Variants in SCARA3 observed in about 807,000 individuals in gnomAD.
SCARA3 encodes cellular stress response gene protein.
In SCARA3, 39 loss-of-function variants were observed where a neutral mutation model predicts 47.0. The ratio of observed to expected loss-of-function variants is 0.83; its 90% CI spans 0.64 to 1.08. The LOEUF is 1.08. Among genes scored for constraint, SCARA3 ranks in the 50% least tolerant of loss-of-function variants. The probability of loss-of-function intolerance (pLI) is 0.00; values close to 1 mark genes in which losing one functional copy is unlikely to be tolerated. For synonymous variants in SCARA3, 356 were observed against 334.1 expected, an observed-to-expected ratio of 1.07 and a Z score of -0.71; for missense variants, 724 against 792.3, an observed-to-expected ratio of 0.91 and a Z score of 1.04.
intron 4 of SCARA3, 46 bp downstream of exon 4, chr8:27,656,926 G>A (rs1801756169): frequency 7.8e-7 from 1 of 1,281,546 alleles, no homozygotes; most frequent in African/African-American, 1.5e-5. Context: ...CTTCAGGGTG[G>A]GGCAGGGGTG....
chr8:27,706,007 T>C, the SCARA3 span, among the ~76,000 whole-genome samples: 1 of 152,052 alleles, frequency 6.6e-6, no homozygotes, highest in African/African-American at 2.4e-5. Flanking sequence ...AGAGAGAGCA[T>C]GGCATCATGG....
Position 27,659,104 on chromosome 8 carries a change from G to A in SCARA3, c.934G>A (p.Asp312Asn), listed in dbSNP as rs963863396. The change falls in exon 5 of 6, where the codon GAT becomes AAT. Residue 312 changes from aspartate to asparagine, a missense_variant. Transcript: ENST00000301904. ...GGTCATGGGCTTGCAGCTGCAGCTG[G>A]ATAACATCTCGTCCTTCCTGGATGA... The part of the protein sequence containing the change: ...LQVMGLQLQL[D>N]NISSFLDDHE... 2 of 1,614,118 alleles carry A rather than the reference G, an allele frequency of 1.2e-6. No individual in the cohort carries two copies. Among genetic ancestry groups the A allele is most frequent in the African/African-American group, 1.3e-5 (1 of 75,012 alleles).
the SCARA3 span, among the ~76,000 whole-genome samples, chr8:27,720,630 A>ATCCG: frequency 6.8e-6 from 1 of 147,466 alleles, no homozygotes; most frequent in African/African-American, 2.5e-5. Context: ...CCATCCATCC[A>ATCCG]TCCATCCATC....
At chr8:27,712,359 C>T in the SCARA3 span, among the ~76,000 whole-genome samples, 2 of 151,734 alleles carry the variant, frequency 1.3e-5, no homozygotes, top group African/African-American at 4.8e-5. Flanking sequence ...GTCAGGAGAT[C>T]GAGACCATCC....
the SCARA3 span, among the ~76,000 whole-genome samples, chr8:27,682,389 A>G: frequency 2.6e-5 from 4 of 152,340 alleles, no homozygotes; most frequent in East Asian, 7.7e-4. Flanking sequence ...CAAGAAAAAC[A>G]TTAACCATAA....
the SCARA3 span, among the ~76,000 whole-genome samples, chr8:27,711,755 C>A: frequency 6.6e-6 from 1 of 151,460 alleles, no homozygotes; most frequent in Non-Finnish European, 1.5e-5. Context: ...TAAAATAGAC[C>A]TTTTTTAGAG....
intron 1 of SCARA3, among the ~76,000 whole-genome samples, chr8:27,643,560 G>A (rs895978629): frequency 1.3e-5 from 2 of 152,246 alleles, no homozygotes; most frequent in Non-Finnish European, 2.9e-5. Context: ...TGGAGAGGGG[G>A]TAGTGGCGGA....
intron 5 of SCARA3, among the ~76,000 whole-genome samples, chr8:27,665,230 CCCT>C (rs1308051579): frequency 6.6e-6 from 1 of 152,228 alleles, no homozygotes; most frequent in Non-Finnish European, 1.5e-5. Context: ...ATCACTTCAT[CCCT>C]CCAGGGCTCT....
chr8:27,728,439 T>A, the SCARA3 span, among the ~76,000 whole-genome samples: 1 of 152,036 alleles, frequency 6.6e-6, no homozygotes, highest in African/African-American at 2.4e-5. Flanking sequence ...GTTGTAAGAG[T>A]GCCCGCCATG....
At chr8:27,647,997 C>T (rs1042546949) in intron 1 of SCARA3, among the ~76,000 whole-genome samples, 1 of 152,214 alleles carries the variant, frequency 6.6e-6, no homozygotes, top group Non-Finnish European at 1.5e-5. Flanking sequence ...TGGTCAGGAG[C>T]CCCCGAGGCT....
the SCARA3 span, among the ~76,000 whole-genome samples, chr8:27,714,963 A>C: frequency 8.5e-5 from 13 of 152,074 alleles, no homozygotes; most frequent in African/African-American, 2.9e-4. Flanking sequence ...TCTGTTGCCC[A>C]GTCTGGAGTG....
the SCARA3 span, among the ~76,000 whole-genome samples, chr8:27,689,480 G>A: frequency 1.3e-5 from 2 of 152,136 alleles, no homozygotes; most frequent in African/African-American, 2.4e-5. Context: ...TGCACTGAGC[G>A]GTGACCCACT....
At chr8:27,711,862 C>T in the SCARA3 span, among the ~76,000 whole-genome samples, 2 of 152,142 alleles carry the variant, frequency 1.3e-5, no homozygotes, top group African/African-American at 4.8e-5. Context: ...ATTAACCTCC[C>T]CCACCACAGT....
chr8:27,658,760 C>T lies in SCARA3; in HGVS notation c.590C>T (p.Ala197Val). The change falls in exon 5 of 6, where the codon GCC becomes GTC. Residue 197 changes from alanine (A) to valine (V), a missense_variant. Ala to Val is a moderately conservative substitution (Grantham distance 64, BLOSUM62 0). Transcript: ENST00000301904. ...CTGGCCCAGGTGAGAGGCTGGCAGG[C>T]CACCACAGCTGGCCTGGACCTCTCT... ...LFLAQVRGWQATTAGLDLSLK... is the reference protein window; with the variant it reads ...LFLAQVRGWQVTTAGLDLSLK... 2 of 1,614,048 alleles carry T rather than the reference C, an allele frequency of 1.2e-6. No individual in the cohort carries two copies. Among genetic ancestry groups the T allele is most frequent in the South Asian group, 1.1e-5 (1 of 91,076 alleles).
chr8:27,676,836 ACCCAACTC>A, downstream of SCARA3: 1 of 362,896 alleles, frequency 2.8e-6, no homozygotes, highest in Non-Finnish European at 5.0e-6. Flanking sequence ...CACTGCTCAA[ACCCAACTC>A]TGTTGCGTCC....
At chr8:27,710,815 A>G in the SCARA3 span, among the ~76,000 whole-genome samples, 1 of 151,374 alleles carries the variant, frequency 6.6e-6, no homozygotes, top group Non-Finnish European at 1.5e-5. Flanking sequence ...TGCGGATGGT[A>G]TTTCTAAAAC....
chr8:27,720,377 A>G, the SCARA3 span, among the ~76,000 whole-genome samples: 19,472 of 151,956 alleles, frequency 0.13, 1,512 homozygotes, highest in African/African-American at 0.21. Context: ...GAAATTAGAG[A>G]TTGGTCTGGG....
In SCARA3 at chr8:27,656,789, A is replaced by T; in HGVS notation, c.234A>T (p.Arg78Ser). The T allele has an allele frequency of 1.9e-6, 3 of 1,606,574 alleles. No individual in the cohort carries two copies. Among genetic ancestry groups the T allele is most frequent in the Non-Finnish European group, 1.7e-6 (2 of 1,173,120 alleles). ...AVAVLASLVF[R>S]KVDSLSEDIS... The stretch of plus-strand genomic sequence containing the variant: ...CATCTGTTTTCCCTACAGTTTTCAG[A>T]AAAGTGGACTCTCTCTCCGAAGACA... The change falls in exon 4 of 6, where the codon AGA becomes AGT. Residue 78 changes from arginine (R) to serine (S), a missense_variant. Physicochemically the swap from Arg to Ser is moderately radical, Grantham distance 110 (BLOSUM62 -1). Coordinates refer to ENST00000301904, the MANE Select transcript of SCARA3 (RefSeq NM_016240.3).
chr8:27,705,754 G>C, the SCARA3 span, among the ~76,000 whole-genome samples: 1 of 152,180 alleles, frequency 6.6e-6, no homozygotes, highest in African/African-American at 2.4e-5. Context: ...AAGCAAAAAG[G>C]TTCTTCTAAA....
Sources: gnomAD v4.1 joint callset for allele counts (sites outside exome capture counted in the v4.1 genomes callset) on GRCh38, gnomAD v4.1.1 for gene constraint, MANE v1.5 for transcripts, NCBI Gene and HGNC (gene_info 2026-07-23, HGNC 2026-07-21) for gene names.